The following ZBED6 variants were observed in gnomAD, a reference collection of about 807,000 sequenced individuals.
The protein encoded by ZBED6 is zinc finger BED domain-containing protein 6.
Under a neutral mutation model 58.4 loss-of-function variants are expected in ZBED6, and 40 were observed. That is an observed-to-expected ratio of 0.68 (90% CI 0.53 to 0.89). The LOEUF (loss-of-function observed/expected upper bound fraction) is 0.89, where lower values mean the gene tolerates loss of function less well. Ranked by LOEUF, ZBED6 falls within the 40% of genes least tolerant of loss-of-function variation. The pLI, the probability that ZBED6 is intolerant of heterozygous loss-of-function variation, is 0.00. For synonymous variants in ZBED6, 439 were observed against 350.6 expected (o/e 1.25, Z -2.82); for missense variants, 1,057 against 1,003.9 (o/e 1.05, Z -0.71).
chr1:203,810,741 G>GT (rs1381158580), intron 1 of ZBED6, among the ~76,000 whole-genome samples: 1 of 152,038 alleles, frequency 6.6e-6, no homozygotes, highest in Non-Finnish European at 1.5e-5. Context: ...TGACGAAGGA[G>GT]TTTTTTCTGT....
At chr1:203,818,824 C>T in intron 3 of ZBED6, 135 bp downstream of exon 3, 1 of 1,367,518 alleles carries the variant, frequency 7.3e-7, no homozygotes, top group South Asian at 1.4e-5. Context: ...AGTTCCAGCA[C>T]TTTGGGAGGC....
In ZBED6 at chr1:203,816,908, A is replaced by G. The variant is rs1676569055; in HGVS notation, c.*2555-18A>G. 4 of 525,198 alleles carry G rather than the reference A, an allele frequency of 7.6e-6. No homozygotes were observed. In the South Asian group the frequency reaches 1.4e-4, roughly 18 times the overall value. The allele number at this position is 525,198 out of a possible 1,614,324, so 32.5% of individuals were successfully genotyped here. On this transcript the variant is annotated intron_variant, in intron 1 of 16. Coordinates refer to ENST00000550078, the Ensembl canonical transcript of ZBED6. ...GAATTTACCTGAAATATTTTAATTC[A>G]TTGTCTCCTCATTTTAGGATTACAG...
exon 1 of ZBED6, chr1:203,800,107 C>CTGCTGTAGT: frequency 6.5e-7 from 1 of 1,536,150 alleles, no homozygotes; most frequent in Non-Finnish European, 8.7e-7. Context: ...ATGTTCCCTT[C>CTGCTGTAGT]TGCTGTAGCA....
At chr1:203,824,431 G>A (rs1029043613) in intron 3 of ZBED6, among the ~76,000 whole-genome samples, 1 of 152,144 alleles carries the variant, frequency 6.6e-6, no homozygotes, top group African/African-American at 2.4e-5. Context: ...TACCCCTTCT[G>A]TGTGCAATTC....
chr1:203,854,081 G>T (rs745645181), exon 17 of ZBED6: 4 of 152,608 alleles, frequency 2.6e-5, no homozygotes, highest in Admixed American at 2.0e-4. Flanking sequence ...TACAGAAAGA[G>T]AAATACTTGT....
At chr1:203,820,700 G>A (rs923676340) in intron 3 of ZBED6, among the ~76,000 whole-genome samples, 3 of 151,934 alleles carry the variant, frequency 2.0e-5, no homozygotes, top group African/African-American at 4.8e-5. Flanking sequence ...GGCTGGTCTC[G>A]AATTGTTGGC....
chr1:203,822,079 A>G (rs1346557037), intron 3 of ZBED6, among the ~76,000 whole-genome samples: 2 of 152,168 alleles, frequency 1.3e-5, no homozygotes, highest in Non-Finnish European at 2.9e-5. Flanking sequence ...TAATAGATAC[A>G]TAGTATTACA....
intron 3 of ZBED6, among the ~76,000 whole-genome samples, chr1:203,826,141 A>C (rs1490313488): frequency 6.6e-6 from 1 of 152,188 alleles, no homozygotes; most frequent in Non-Finnish European, 1.5e-5. Context: ...TGTCTAAAAA[A>C]CAGTGGTAGC....
rs1245220207 is a variant in ZBED6, at chr1:203,840,165, C to T, written c.*3673-141C>T. On this transcript the variant is annotated intron_variant, in intron 10 of 16. Coordinates refer to ENST00000550078, the Ensembl canonical transcript of ZBED6. ...TGTTGGCCAGGCTGGCCTTGAAGTC[C>T]TGACCTCAAGTGATCAGCCTGCCTT... is the stretch of plus-strand genomic sequence containing the variant. The T allele has an allele frequency of 2.0e-5, 15 of 739,416 alleles. No individual in the cohort carries two copies. In the African/African-American group the frequency reaches 2.4e-4, roughly 12 times the overall value. The allele number at this position is 739,416 out of a possible 1,614,324, so 45.8% of individuals were successfully genotyped here.
At chr1:203,797,739 A>C in exon 1 of ZBED6, 1 of 1,535,528 alleles carries the variant, frequency 6.5e-7, no homozygotes, top group Non-Finnish European at 8.7e-7. Flanking sequence ...AATTAAGGGG[A>C]AAAGGCGTCG....
chr1:203,843,146 G>T (rs1470672733), intron 11 of ZBED6, among the ~76,000 whole-genome samples: 1 of 151,608 alleles, frequency 6.6e-6, no homozygotes, highest in Non-Finnish European at 1.5e-5. Flanking sequence ...AGATTTCTAG[G>T]GTTTTATCTC....
In ZBED6 at chr1:203,833,784, A is replaced by T. The variant is rs1162786726; in HGVS notation, c.*3511-7A>T. On this transcript the variant is annotated splice_polypyrimidine_tract_variant and splice_region_variant and intron_variant, in intron 8 of 16. Coordinates refer to ENST00000550078, the Ensembl canonical transcript of ZBED6. ...AGGATAGAGAAATTCTGCTTTTGCC[A>T]TTTCAGGAGAAGAACCCTTGGTTAG... The T allele has an allele frequency of 2.5e-6, 4 of 1,604,588 alleles. No individual in the cohort carries two copies. The South Asian group carries it at 4.5e-5, about 18-fold the overall frequency.
chr1:203,798,611 T>C, exon 1 of ZBED6: 2 of 1,536,132 alleles, frequency 1.3e-6, no homozygotes, highest in Non-Finnish European at 1.7e-6. Flanking sequence ...CTGAGGACCT[T>C]AGTGACTCTG....
intron 1 of ZBED6, among the ~76,000 whole-genome samples, chr1:203,804,245 G>A (rs896385727): frequency 1.3e-5 from 2 of 149,852 alleles, no homozygotes; most frequent in East Asian, 2.0e-4. Context: ...TCCGCCTCCC[G>A]GGTTCACGCC....
At chr1:203,850,463 A>C (rs1396822096) in intron 14 of ZBED6, 52 bp from the exon 15 acceptor site, 1 of 1,600,146 alleles carries the variant, frequency 6.2e-7, no homozygotes, top group Admixed American at 1.7e-5. Context: ...ATTATTCCCC[A>C]TTTAAAAGAG....
intron 8 of ZBED6, among the ~76,000 whole-genome samples, chr1:203,833,186 G>A (rs1558127711): frequency 1.3e-5 from 2 of 152,114 alleles, no homozygotes; most frequent in Admixed American, 6.5e-5. Context: ...CGACCAACGC[G>A]GTGAAACCTT....
intron 2 of ZBED6, among the ~76,000 whole-genome samples, chr1:203,817,845 C>G (rs1676883922): frequency 6.6e-6 from 1 of 151,920 alleles, no homozygotes; most frequent in Non-Finnish European, 1.5e-5. Context: ...CTCCGCCTCC[C>G]AGGTTCAAGC....
chr1:203,796,359 C>A, exon 1 of ZBED6: 1 of 398,890 alleles, frequency 2.5e-6, no homozygotes, highest in Non-Finnish European at 4.4e-6. Context: ...ATTCCGGTAT[C>A]CTACACCCAT....
At position 203,848,325 on chromosome 1, in the gene ZBED6, A is replaced by G; in HGVS notation, c.*4246-6A>G. ...ATAACTAATGATGTCTTTAATGTGA[A>G]TACAGGGATGAAAGAAGAGAAGAAC... On this transcript the variant is annotated splice_polypyrimidine_tract_variant and splice_region_variant and intron_variant, in intron 12 of 16. Transcript: ENST00000550078. 1.9e-6 allele frequency: 3 copies of G among 1,611,160 alleles called. No homozygotes were observed. The highest frequency in any genetic ancestry group is 4.5e-5 in the East Asian group (2 of 44,772).
Sources: gnomAD v4.1 joint callset for allele counts (sites outside exome capture counted in the v4.1 genomes callset) on GRCh38, gnomAD v4.1.1 for gene constraint, MANE v1.5 for transcripts, NCBI Gene and HGNC (gene_info 2026-07-23, HGNC 2026-07-21) for gene names.